The following SCHIP1 variants were observed in gnomAD, a reference collection of about 807,000 sequenced individuals.
SCHIP1 encodes the protein schwannomin-interacting protein 1.
In SCHIP1, 8 loss-of-function variants were observed where a neutral mutation model predicts 29.7. The ratio of observed to expected loss-of-function variants is 0.27; its 90% CI spans 0.16 to 0.49. SCHIP1 has a LOEUF of 0.49. SCHIP1 is among the 20% of genes least tolerant of loss of function. The probability of loss-of-function intolerance (pLI) is 0.99; values close to 1 mark genes in which losing one functional copy is unlikely to be tolerated. For synonymous variants in SCHIP1, 76 were observed against 94.9 expected, an observed-to-expected ratio of 0.80 and a Z score of 1.16; for missense variants, 193 against 294.6, an observed-to-expected ratio of 0.66 and a Z score of 2.52.
chr3:159,352,641 T>A, the SCHIP1 span, among the ~76,000 whole-genome samples: 3,219 of 152,252 alleles, frequency 0.021, 106 homozygotes, highest in African/African-American at 0.074. Context: ...AACCATTCCA[T>A]CACAAGGCTC....
chr3:159,654,650 G>A, the SCHIP1 span, among the ~76,000 whole-genome samples: 4 of 152,058 alleles, frequency 2.6e-5, no homozygotes, highest in African/African-American at 4.8e-5. Context: ...TTGAGTGTAT[G>A]TGAGCTCCAC....
the SCHIP1 span, among the ~76,000 whole-genome samples, chr3:159,639,823 G>C: frequency 2.6e-5 from 4 of 152,132 alleles, no homozygotes; most frequent in African/African-American, 9.7e-5. Flanking sequence ...TGTGACGCTG[G>C]ACAACTGAAT....
chr3:159,646,136 C>A, the SCHIP1 span, among the ~76,000 whole-genome samples: 1 of 152,170 alleles, frequency 6.6e-6, no homozygotes, highest in Non-Finnish European at 1.5e-5. Flanking sequence ...AGAGCACAAG[C>A]TTTACTCTGA....
At chr3:159,386,157 C>T in the SCHIP1 span, among the ~76,000 whole-genome samples, 9 of 152,194 alleles carry the variant, frequency 5.9e-5, no homozygotes, top group African/African-American at 1.2e-4. Flanking sequence ...TACAAACATA[C>T]GTGTGCATGT....
chr3:159,692,307 C>T, the SCHIP1 span, among the ~76,000 whole-genome samples: 1 of 152,134 alleles, frequency 6.6e-6, no homozygotes, highest in Non-Finnish European at 1.5e-5. Context: ...TGGATAATAT[C>T]CTGCAGAGTG....
chr3:159,582,096 G>A, the SCHIP1 span, among the ~76,000 whole-genome samples: 1 of 152,032 alleles, frequency 6.6e-6, no homozygotes, highest in Non-Finnish European at 1.5e-5. Flanking sequence ...CAGATACAAA[G>A]CCAAAATTCA....
chr3:159,838,568 C>T (rs905308626), upstream of SCHIP1, among the ~76,000 whole-genome samples: 2 of 151,854 alleles, frequency 1.3e-5, no homozygotes, highest in African/African-American at 2.4e-5. Flanking sequence ...TTGTTAAGTA[C>T]CATTTATGTA....
the SCHIP1 span, among the ~76,000 whole-genome samples, chr3:159,309,620 C>A: frequency 6.6e-6 from 1 of 152,126 alleles, no homozygotes; most frequent in African/African-American, 2.4e-5. Context: ...GTTATCAGAT[C>A]ATACACTACT....
At chr3:159,368,409 C>A in the SCHIP1 span, among the ~76,000 whole-genome samples, 2 of 152,226 alleles carry the variant, frequency 1.3e-5, no homozygotes, top group African/African-American at 4.8e-5. Context: ...TTTTAGTTAC[C>A]ATCCCTGTGA....
the SCHIP1 span, among the ~76,000 whole-genome samples, chr3:159,713,278 AAG>A: frequency 4.6e-5 from 7 of 151,590 alleles, no homozygotes; most frequent in African/African-American, 1.7e-4. Flanking sequence ...GAAAGAAAGA[AAG>A]AAAGAAAAAA....
the SCHIP1 span, among the ~76,000 whole-genome samples, chr3:159,385,699 T>C: frequency 1.1e-4 from 16 of 152,104 alleles, no homozygotes; most frequent in African/African-American, 3.1e-4. Flanking sequence ...TTGTAGGGTA[T>C]TTTAGAGCAT....
At chr3:159,667,626 AAG>A in the SCHIP1 span, among the ~76,000 whole-genome samples, 1 of 152,192 alleles carries the variant, frequency 6.6e-6, no homozygotes, top group African/African-American at 2.4e-5. Flanking sequence ...TCTGGAAGGA[AAG>A]AGTGTTTGGA....
At chr3:159,834,497 T>C in the SCHIP1 span, among the ~76,000 whole-genome samples, 1 of 152,192 alleles carries the variant, frequency 6.6e-6, no homozygotes, top group African/African-American at 2.4e-5. Flanking sequence ...GATAGGAGCT[T>C]GTTTCAACTA....
the SCHIP1 span, chr3:159,765,560 C>T: frequency 8.2e-5 from 15 of 182,778 alleles, no homozygotes; most frequent in South Asian, 7.6e-4. Flanking sequence ...CCTCTCGTTG[C>T]CACTAATGTC....
chr3:159,303,272 A>G, the SCHIP1 span, among the ~76,000 whole-genome samples: 1 of 152,130 alleles, frequency 6.6e-6, no homozygotes, highest in South Asian at 2.1e-4. Flanking sequence ...TATCATTTAT[A>G]AATGGGAAAA....
chr3:159,466,045 GA>G, the SCHIP1 span, among the ~76,000 whole-genome samples: 3 of 151,416 alleles, frequency 2.0e-5, no homozygotes, highest in Non-Finnish European at 2.9e-5. Flanking sequence ...GGATTTTTTT[GA>G]AAAAAAATTT....
At chr3:159,500,631 G>A in the SCHIP1 span, among the ~76,000 whole-genome samples, 4 of 151,684 alleles carry the variant, frequency 2.6e-5, no homozygotes, top group Non-Finnish European at 4.4e-5. Context: ...GGAGAATGGC[G>A]TGAACCTGGG....
the SCHIP1 span, among the ~76,000 whole-genome samples, chr3:159,666,004 A>G: frequency 6.6e-6 from 1 of 152,104 alleles, no homozygotes; most frequent in Non-Finnish European, 1.5e-5. Flanking sequence ...TATCGCCTAC[A>G]TTTCCTGGGA....
At chr3:159,735,356 A>G in the SCHIP1 span, among the ~76,000 whole-genome samples, 2 of 151,692 alleles carry the variant, frequency 1.3e-5, no homozygotes, top group Non-Finnish European at 2.9e-5. Context: ...CAGCCTCCCA[A>G]ATAGCTGGGA....
Sources: allele counts gnomAD v4.1 joint callset (sites outside exome capture counted in the v4.1 genomes callset), GRCh38; gene constraint gnomAD v4.1.1; transcripts MANE v1.5; gene names NCBI Gene and HGNC (gene_info 2026-07-23, HGNC 2026-07-21).